DNAJC17: variants seen among roughly 807,000 people sequenced by gnomAD.
The protein encoded by DNAJC17 is dnaJ homolog subfamily C member 17.
DNAJC17 carries 35 observed loss-of-function variants against 48.1 expected under a neutral mutation model. The observed-to-expected ratio is 0.73, with a 90% confidence interval of 0.56 to 0.96. The LOEUF is 0.96. DNAJC17 is among the 50% of genes least tolerant of loss of function. The probability of loss-of-function intolerance (pLI) is 0.00; values close to 1 mark genes in which losing one functional copy is unlikely to be tolerated. For synonymous variants in DNAJC17, 117 were observed against 142.7 expected (o/e 0.82, Z 1.28); for missense variants, 355 against 377.1 (o/e 0.94, Z 0.48).
chr15:40,773,905 C>T (rs1889237951), intron 9 of DNAJC17, 68 bp from the exon 10 acceptor site: 2 of 1,379,642 alleles, frequency 1.4e-6, no homozygotes, highest in Non-Finnish European at 2.0e-6. Context: ...TCTCTACCCC[C>T]ACAGAGAGAA....
chr15:40,781,988 T>C (rs1204256594), intron 1 of DNAJC17, among the ~76,000 whole-genome samples: 2 of 151,812 alleles, frequency 1.3e-5, no homozygotes, highest in African/African-American at 2.4e-5. Context: ...ACTCAGGCGG[T>C]TGAGGCGAGA....
chr15:40,797,687 C>T (rs1031005021), intron 1 of DNAJC17, among the ~76,000 whole-genome samples: 1 of 147,794 alleles, frequency 6.8e-6, no homozygotes, highest in Non-Finnish European at 1.5e-5. Context: ...GCTGGGATTA[C>T]AGGTGTAAGC....
At chr15:40,781,794 C>CA (rs1555383024) in intron 1 of DNAJC17, among the ~76,000 whole-genome samples, 3 of 151,486 alleles carry the variant, frequency 2.0e-5, no homozygotes, top group African/African-American at 7.3e-5. Flanking sequence ...TGGTGGCGGG[C>CA]GCCTGTAGTC....
chr15:40,777,633 G>A (rs373793946), intron 4 of DNAJC17, among the ~76,000 whole-genome samples: 90 of 151,966 alleles, frequency 5.9e-4, no homozygotes, highest in Admixed American at 1.2e-3. Context: ...CAGGAGAATC[G>A]CTTGAACCCA....
At chr15:40,803,265 G>T (rs985433152) in intron 1 of DNAJC17, among the ~76,000 whole-genome samples, 1 of 152,084 alleles carries the variant, frequency 6.6e-6, no homozygotes, top group Non-Finnish European at 1.5e-5. Context: ...CAGTTTAGGA[G>T]TTCTTCCTTG....
chr15:40,772,688 G>A (rs1322714170), intron 10 of DNAJC17, among the ~76,000 whole-genome samples: 1 of 152,204 alleles, frequency 6.6e-6, no homozygotes, highest in African/African-American at 2.4e-5. Flanking sequence ...GAGGGGCTGT[G>A]GACACACCAG....
At chr15:40,788,067 C>G (rs934711912) in intron 1 of DNAJC17, among the ~76,000 whole-genome samples, 1 of 152,104 alleles carries the variant, frequency 6.6e-6, no homozygotes, top group Non-Finnish European at 1.5e-5. Context: ...CAAAGCATCC[C>G]GGGTAAATCA....
Position 40,770,496 on chromosome 15 carries a change from A to G in DNAJC17, c.793-2434T>C, listed in dbSNP as rs1889098000. 6.5e-7 allele frequency: 1 copy of G among 1,548,272 alleles called. No homozygotes were observed. The highest frequency in any genetic ancestry group is 8.7e-7 in the Non-Finnish European group (1 of 1,146,052). On this transcript the variant is annotated intron_variant, in intron 10 of 10. Transcript: ENST00000220496. The surrounding 1 kb of genome is among the most constrained non-coding windows in gnomAD (Gnocchi z 5.0). ...CTGTCTGCTGGCTCCCCTGGGCCCC[A>G]TGGAGACCTGGCGGAAAGGCTCCTT... is the stretch of plus-strand genomic sequence containing the variant.
At position 40,770,834 on chromosome 15, in the gene DNAJC17, GCT is replaced by G. The variant is rs1467569262; in HGVS notation, c.793-2774_793-2773del. The G allele has an allele frequency of 3.2e-6, 5 of 1,551,218 alleles. No homozygotes were observed. Among genetic ancestry groups the G allele is most frequent in the Admixed American group, 2.0e-5 (1 of 50,998 alleles). On this transcript the variant is annotated intron_variant, in intron 10 of 10. Transcript: ENST00000220496. This position sits in a 1 kb window ranked among gnomAD's most constrained non-coding sequence, Gnocchi z 5.0. ...CCTACTCTGCCACCCTGCCATCGGC[GCT>G]CTCTCTGTCGAGTGCCCTCCACCAG...
At chr15:40,805,867 TAAA>T (rs1228679056) in intron 1 of DNAJC17, among the ~76,000 whole-genome samples, 4 of 151,516 alleles carry the variant, frequency 2.6e-5, no homozygotes, top group Admixed American at 1.3e-4. Flanking sequence ...ATAAAGAATT[TAAA>T]AAATAATAAT....
chr15:40,778,377 C>T (rs770027977), intron 4 of DNAJC17, among the ~76,000 whole-genome samples: 2 of 152,032 alleles, frequency 1.3e-5, no homozygotes, highest in Admixed American at 6.6e-5. Flanking sequence ...CTCAACTTCT[C>T]GAGTAGTTGG....
intron 1 of DNAJC17, among the ~76,000 whole-genome samples, chr15:40,783,790 G>A (rs985705996): frequency 1.3e-5 from 2 of 152,170 alleles, no homozygotes; most frequent in Non-Finnish European, 2.9e-5. Flanking sequence ...TTGATTCCGG[G>A]GGGCAGAGGC....
At chr15:40,782,928 G>A (rs953110861) in intron 1 of DNAJC17, among the ~76,000 whole-genome samples, 1 of 152,076 alleles carries the variant, frequency 6.6e-6, no homozygotes, top group African/African-American at 2.4e-5. Flanking sequence ...GGGTGTAGAC[G>A]TGCCACCTGC....
At position 40,766,999 on chromosome 15, in the gene DNAJC17, A is replaced by G; in HGVS notation, c.*941T>C. 2.6e-6 allele frequency: 1 copy of G among 381,032 alleles called. No individual in the cohort carries two copies. 23.6% of individuals were successfully genotyped at this position (381,032 alleles called of 1,614,324 possible). A position where few individuals can be genotyped will look rare whatever the true frequency, so the allele number is the denominator to read the frequency against. On this transcript the variant is annotated 3_prime_UTR_variant, in exon 11 of 11. Coordinates refer to ENST00000220496, the MANE Select transcript of DNAJC17 (RefSeq NM_018163.3). ...TCTGTTTTCTCATCTATCAATGGCC[A>G]CAACAGTGGCACCTTCACTAGCTTG...
chr15:40,775,258 T>C, intron 7 of DNAJC17, 150 bp from the exon 8 acceptor site: 2 of 909,814 alleles, frequency 2.2e-6, no homozygotes, highest in South Asian at 3.0e-5. Context: ...CATTTTCCCC[T>C]TGGGAACTTG....
rs1234921188 is a variant in DNAJC17, at chr15:40,770,228, C to T, written c.793-2166G>A. On this transcript the variant is annotated intron_variant, in intron 10 of 10. Transcript: ENST00000220496. This position sits in a 1 kb window ranked among gnomAD's most constrained non-coding sequence, Gnocchi z 5.0. ...TCCTCCTGGGTTTTTTTCCACTACC[C>T]TATTCAGTAACCAGGCCACTCCTGT... is the stretch of plus-strand genomic sequence containing the variant. The T allele has an allele frequency of 6.1e-6, 3 of 490,466 alleles. No homozygotes were observed. In the Admixed American group the frequency reaches 1.1e-4, roughly 18 times the overall value. 30.4% of individuals were successfully genotyped at this position (490,466 alleles called of 1,614,324 possible).
intron 1 of DNAJC17, among the ~76,000 whole-genome samples, chr15:40,792,941 C>CTGGAG (rs934363449): frequency 1.4e-5 from 2 of 141,968 alleles, no homozygotes; most frequent in Non-Finnish European, 3.0e-5. Context: ...GTCACCCAGG[C>CTGGAG]TGGAGTGCAT....
At chr15:40,794,737 A>G (rs1280370847) in intron 1 of DNAJC17, among the ~76,000 whole-genome samples, 1 of 152,152 alleles carries the variant, frequency 6.6e-6, no homozygotes, top group Non-Finnish European at 1.5e-5. Context: ...TTATTTTTTG[A>G]GACGGAGTCT....
intron 1 of DNAJC17, among the ~76,000 whole-genome samples, chr15:40,797,516 G>C (rs1006365496): frequency 1.4e-5 from 2 of 146,062 alleles, no homozygotes; most frequent in African/African-American, 2.5e-5. Flanking sequence ...GGGTTCAAGC[G>C]ATTCTCCTGC....
Sources: allele counts gnomAD v4.1 joint callset (sites outside exome capture counted in the v4.1 genomes callset), GRCh38; gene constraint gnomAD v4.1.1; non-coding constraint Gnocchi (gnomAD v3.1); transcripts MANE v1.5; gene names NCBI Gene and HGNC (gene_info 2026-07-23, HGNC 2026-07-21).